RBFOX1: variants seen among roughly 807,000 people sequenced by gnomAD.
RBFOX1 encodes the protein RNA binding fox-1 homolog 1.
RBFOX1 carries 8 observed loss-of-function variants against 57.7 expected under a neutral mutation model. The observed-to-expected ratio is 0.14, with a 90% CI of 0.08 to 0.25. The LOEUF (loss-of-function observed/expected upper bound fraction) is 0.25. Ranked by LOEUF, RBFOX1 falls within the 10% of genes least tolerant of loss-of-function variation. The pLI is 1.00. For missense variants in RBFOX1, 611 were observed against 548.5 expected, an observed-to-expected ratio of 1.11 and a Z score of -1.14; for synonymous variants, 326 against 222.4, an observed-to-expected ratio of 1.47 and a Z score of -4.15.
intron 3 of RBFOX1, among the ~76,000 whole-genome samples, chr16:6,812,048 G>A (rs1220594387): frequency 2.6e-5 from 4 of 152,052 alleles, no homozygotes; most frequent in African/African-American, 9.7e-5. Flanking sequence ...AGTGTTGGTT[G>A]GTTTCATGTA....
At chr16:6,986,442 C>G (rs914860724) in intron 3 of RBFOX1, among the ~76,000 whole-genome samples, 7 of 151,806 alleles carry the variant, frequency 4.6e-5, no homozygotes, top group Admixed American at 3.9e-4. Flanking sequence ...CAAGTGATCC[C>G]CCTGCCTCAG....
chr16:6,990,759 G>A (rs1223065407), intron 3 of RBFOX1, among the ~76,000 whole-genome samples: 1 of 152,118 alleles, frequency 6.6e-6, no homozygotes, highest in African/African-American at 2.4e-5. Flanking sequence ...GATCTTCCAT[G>A]TCCATCTCAG....
intron 3 of RBFOX1, among the ~76,000 whole-genome samples, chr16:6,883,175 T>A (rs2153346295): frequency 6.6e-6 from 1 of 152,282 alleles, no homozygotes; most frequent in East Asian, 1.9e-4. Flanking sequence ...TAAAGATACG[T>A]TTAATGTTCT....
chr16:5,619,963 G>C (rs376149591), intron 3 of RBFOX1, among the ~76,000 whole-genome samples: 2 of 148,296 alleles, frequency 1.3e-5, no homozygotes, highest in African/African-American at 2.5e-5. Context: ...TCTCTGTGCA[G>C]ATAGTAAATT....
chr16:6,905,408 C>T (rs1006805314), intron 3 of RBFOX1, among the ~76,000 whole-genome samples: 3 of 152,022 alleles, frequency 2.0e-5, no homozygotes, highest in Non-Finnish European at 4.4e-5. Flanking sequence ...CAAAAATTAA[C>T]TGAGCATGGT....
intron 3 of RBFOX1, among the ~76,000 whole-genome samples, chr16:5,662,573 A>G (rs984376062): frequency 2.6e-5 from 4 of 152,150 alleles, no homozygotes; most frequent in Non-Finnish European, 5.9e-5. Context: ...CACTTTGAGA[A>G]TTACTGACCT....
chr16:6,891,186 C>T (rs574329488), intron 3 of RBFOX1, among the ~76,000 whole-genome samples: 19 of 152,318 alleles, frequency 1.2e-4, no homozygotes, highest in Admixed American at 5.2e-4. Flanking sequence ...TTTTTATTAT[C>T]AGTAGTGGCT....
intron 3 of RBFOX1, among the ~76,000 whole-genome samples, chr16:5,736,024 G>T (rs1452347662): frequency 6.6e-6 from 1 of 150,676 alleles, no homozygotes; most frequent in Non-Finnish European, 1.5e-5. Flanking sequence ...TGTGTTCAGA[G>T]GAACAAAGAC....
intron 4 of RBFOX1, among the ~76,000 whole-genome samples, chr16:7,127,594 A>G (rs1329662548): frequency 3.3e-5 from 5 of 152,160 alleles, no homozygotes; most frequent in African/African-American, 1.2e-4. Context: ...ATTCTGTATC[A>G]TGGTGTGAAT....
At chr16:6,488,517 C>A (rs1168390831) in intron 2 of RBFOX1, among the ~76,000 whole-genome samples, 1 of 152,084 alleles carries the variant, frequency 6.6e-6, no homozygotes, top group Non-Finnish European at 1.5e-5. Context: ...GTAGGTATTA[C>A]CATGCCTAAT....
rs553793777 is a variant in RBFOX1, at chr16:5,747,693, G to C, written c.319-119610G>C. The stretch of plus-strand genomic sequence containing the variant: ...GAGGTGTTTATACTATTCTTTGATG[G>C]TAGTATTTCTGTGGGATTCGTGGTG... On this transcript the variant is annotated intron_variant, in intron 3 of 19. Transcript: ENST00000641259. Among the ~76,000 whole-genome samples, 11 of 151,924 alleles carry C rather than the reference G, an allele frequency of 7.2e-5. No individual in the cohort carries two copies. The South Asian group carries it at 2.3e-3, about 32-fold the overall frequency.
chr16:6,679,382 T>C (rs920586897), intron 3 of RBFOX1, among the ~76,000 whole-genome samples: 4 of 152,126 alleles, frequency 2.6e-5, no homozygotes, highest in East Asian at 1.9e-4. Context: ...TCTTGCTATA[T>C]TGGTGATGGA....
intron 2 of RBFOX1, among the ~76,000 whole-genome samples, chr16:6,547,276 C>A (rs943511651): frequency 2.6e-5 from 4 of 152,080 alleles, no homozygotes; most frequent in African/African-American, 9.7e-5. Flanking sequence ...CATTACCAGC[C>A]CCGGCTGGTG....
intron 2 of RBFOX1, among the ~76,000 whole-genome samples, chr16:6,488,050 T>C (rs944352304): frequency 6.6e-6 from 1 of 152,102 alleles, no homozygotes; most frequent in African/African-American, 2.4e-5. Context: ...TACTCCACGC[T>C]TTCAATCCAA....
At chr16:6,162,822 C>A (rs1163633585) in intron 1 of RBFOX1, among the ~76,000 whole-genome samples, 1 of 152,146 alleles carries the variant, frequency 6.6e-6, no homozygotes, top group African/African-American at 2.4e-5. Flanking sequence ...CAGCCTCCAC[C>A]TCCCAGGTTC....
chr16:5,394,525 CTCTTG>C (rs968944137), intron 1 of RBFOX1, among the ~76,000 whole-genome samples: 3 of 150,854 alleles, frequency 2.0e-5, no homozygotes, highest in Non-Finnish European at 4.4e-5. Flanking sequence ...TTCTTCTCTT[CTCTTG>C]TCTTGTCTTC....
At chr16:5,610,912 T>C (rs2047759196) in intron 3 of RBFOX1, among the ~76,000 whole-genome samples, 1 of 152,070 alleles carries the variant, frequency 6.6e-6, no homozygotes, top group African/African-American at 2.4e-5. Context: ...ATCCCTCTAG[T>C]CCCTGGCTGG....
chr16:5,256,952 A>AT (rs1344159013), intron 1 of RBFOX1, among the ~76,000 whole-genome samples: 1 of 151,788 alleles, frequency 6.6e-6, no homozygotes, highest in Non-Finnish European at 1.5e-5. Flanking sequence ...AAAAAAAAAA[A>AT]GCAAAGTTAA....
chr16:5,912,600 G>A (rs566192233), intron 4 of RBFOX1, among the ~76,000 whole-genome samples: 3 of 152,260 alleles, frequency 2.0e-5, no homozygotes, highest in East Asian at 3.9e-4. Flanking sequence ...AACTTGGTAG[G>A]CATCTGGCAA....
Sources: gnomAD v4.1 joint callset for allele counts (sites outside exome capture counted in the v4.1 genomes callset) on GRCh38, gnomAD v4.1.1 for gene constraint, MANE v1.5 for transcripts, NCBI Gene and HGNC (gene_info 2026-07-23, HGNC 2026-07-21) for gene names.